SULT1E1: variants seen among roughly 807,000 people sequenced by gnomAD.
The protein encoded by SULT1E1 is sulfotransferase 1E1.
In SULT1E1, 36 loss-of-function variants were observed where a neutral mutation model predicts 33.6. The observed-to-expected ratio is 1.07, with a 90% confidence interval of 0.82 to 1.41. The LOEUF is 1.41. Among genes scored for constraint, SULT1E1 ranks in the 40% most tolerant of loss-of-function variants. SULT1E1 has a pLI of 0.00. For synonymous variants in SULT1E1, 121 were observed against 111.7 expected (o/e 1.08, Z -0.53); for missense variants, 371 against 345.7 (o/e 1.07, Z -0.58).
the SULT1E1 span, among the ~76,000 whole-genome samples, chr4:69,827,224 C>T: frequency 2.0e-5 from 3 of 152,134 alleles, no homozygotes; most frequent in Admixed American, 6.6e-5. Flanking sequence ...AAACCCTGGC[C>T]TTTAATGAAA....
chr4:69,833,746 G>A, the SULT1E1 span, among the ~76,000 whole-genome samples: 1 of 152,118 alleles, frequency 6.6e-6, no homozygotes, highest in Admixed American at 6.5e-5. Flanking sequence ...TCTACTTGTA[G>A]GAACTTATAT....
chr4:69,835,923 C>T, the SULT1E1 span, among the ~76,000 whole-genome samples: 1 of 152,174 alleles, frequency 6.6e-6, no homozygotes, highest in Non-Finnish European at 1.5e-5. Flanking sequence ...AGGTTACAGA[C>T]ATGAGCCACA....
At chr4:69,831,615 C>A in the SULT1E1 span, among the ~76,000 whole-genome samples, 1 of 152,166 alleles carries the variant, frequency 6.6e-6, no homozygotes, top group Non-Finnish European at 1.5e-5. Context: ...AATTATTTAA[C>A]GTACATTCCA....
At chr4:69,849,609 A>C in intron 4 of SULT1E1, 46 bp from the exon 5 acceptor site, 2 of 1,514,920 alleles carry the variant, frequency 1.3e-6, no homozygotes, top group Non-Finnish European at 1.8e-6. Flanking sequence ...ATTTTTTTCA[A>C]ACAGTCTCAT....
the SULT1E1 span, among the ~76,000 whole-genome samples, chr4:69,833,120 T>A: frequency 6.6e-6 from 1 of 152,202 alleles, no homozygotes; most frequent in African/African-American, 2.4e-5. Context: ...TGTGCCTAAG[T>A]ACAAATTATG....
chr4:69,857,414 G>T, intron 2 of SULT1E1, 86 bp downstream of exon 2: 1 of 1,452,358 alleles, frequency 6.9e-7, no homozygotes, highest in Non-Finnish European at 9.2e-7. Flanking sequence ...TAGAGAATGA[G>T]TGTGTACGAC....
intron 3 of SULT1E1, among the ~76,000 whole-genome samples, chr4:69,855,009 A>G (rs1176665161): frequency 2.6e-5 from 4 of 152,058 alleles, no homozygotes; most frequent in Non-Finnish European, 5.9e-5. Context: ...TTTTCTCCAT[A>G]TTTAAAATAT....
chr4:69,854,097 A>T, intron 4 of SULT1E1, 120 bp downstream of exon 4: 1 of 579,784 alleles, frequency 1.7e-6, no homozygotes, highest in East Asian at 2.9e-5. Flanking sequence ...TTTATTCCAC[A>T]TTTGTTAAGT....
intron 2 of SULT1E1, among the ~76,000 whole-genome samples, chr4:69,856,935 CAAAAAAA>C (rs11464421): frequency 1.7e-5 from 1 of 59,240 alleles, no homozygotes; most frequent in East Asian, 7.2e-4. Flanking sequence ...GACTCCGTCT[CAAAAAAA>C]AAAAAAAAAA....
chr4:69,823,353 C>T, the SULT1E1 span, among the ~76,000 whole-genome samples: 3 of 152,150 alleles, frequency 2.0e-5, no homozygotes, highest in African/African-American at 7.2e-5. Flanking sequence ...CATTCTCCTT[C>T]AACGTAGCTT....
At chr4:69,839,768 T>A (rs1720848355), downstream of SULT1E1, among the ~76,000 whole-genome samples, 1 of 152,136 alleles carries the variant, frequency 6.6e-6, no homozygotes, top group Admixed American at 6.5e-5. Flanking sequence ...TCCAGGAAGA[T>A]GCCAATAATC....
chr4:69,855,077 G>T (rs546560889), intron 3 of SULT1E1, among the ~76,000 whole-genome samples: 1 of 151,548 alleles, frequency 6.6e-6, no homozygotes, highest in Non-Finnish European at 1.5e-5. Flanking sequence ...TCTGCTGAAG[G>T]CATACAAGAA....
the SULT1E1 span, among the ~76,000 whole-genome samples, chr4:69,833,856 T>C: frequency 6.6e-6 from 1 of 152,192 alleles, no homozygotes; most frequent in African/African-American, 2.4e-5. Flanking sequence ...CATTTGCAAA[T>C]AATTCTATGT....
rs1720890089 is a variant in SULT1E1 at position 69,841,771 on chromosome 4, G to T, written c.*223C>A. On this transcript the variant is annotated 3_prime_UTR_variant, in exon 8 of 8. Coordinates refer to ENST00000226444, the MANE Select transcript of SULT1E1 (RefSeq NM_005420.3). Reference sequence around the variant, plus strand: ...TGGGAGGATCAATTGAGTCAAGGAGGTCAAGGCTGCAATCAGCCATGATTG... The same window carrying T: ...TGGGAGGATCAATTGAGTCAAGGAGTTCAAGGCTGCAATCAGCCATGATTG... 8.2e-6 allele frequency: 3 copies of T among 366,476 alleles called. No homozygotes were observed. Among genetic ancestry groups the T allele is most frequent in the Non-Finnish European group, 9.7e-6 (2 of 206,112 alleles). The allele number at this position is 366,476 out of a possible 1,614,324, so 22.7% of individuals were successfully genotyped here.
chr4:69,844,722 T>TA (rs1261023389), intron 6 of SULT1E1, among the ~76,000 whole-genome samples: 5 of 152,248 alleles, frequency 3.3e-5, no homozygotes, highest in African/African-American at 7.2e-5. Flanking sequence ...ATTTTTCTCC[T>TA]AATTTATTGG....
rs967741966 is a variant in SULT1E1, at chr4:69,843,878, T to C, written c.772+283A>G. ...ATACATGTTGTAACACTGAGGCACA[T>C]AGGCTTGGTAAATTACAGCTAGTAG... On this transcript the variant is annotated intron_variant, in intron 7 of 7. Transcript: ENST00000226444. Among the ~76,000 whole-genome samples the C allele has an allele frequency of 2.0e-5, 3 of 152,204 alleles. No homozygotes were observed. The East Asian group carries it at 5.8e-4, about 29-fold the overall frequency.
At chr4:69,854,435 G>A in intron 3 of SULT1E1, 121 bp from the exon 4 acceptor site, 2 of 609,338 alleles carry the variant, frequency 3.3e-6, no homozygotes, top group Non-Finnish European at 5.3e-6. Flanking sequence ...TAGATTGTGT[G>A]TAACACAAAG....
the SULT1E1 span, among the ~76,000 whole-genome samples, chr4:69,829,310 C>T: frequency 2.8e-4 from 43 of 152,232 alleles, no homozygotes; most frequent in Non-Finnish European, 5.3e-4. Context: ...TATGAAGTCG[C>T]TCTAAGTGTT....
chr4:69,846,305 C>CAAAAAAAAAAAAAAAACAAAA (rs1720974935), intron 6 of SULT1E1, among the ~76,000 whole-genome samples: 1 of 107,040 alleles, frequency 9.3e-6, no homozygotes, highest in Admixed American at 1.0e-4. Context: ...ACAAAACAAT[C>CAAAAAAAAAAAAAAAACAAAA]AAAAAAAAAA....
Sources: allele counts gnomAD v4.1 joint callset (sites outside exome capture counted in the v4.1 genomes callset), GRCh38; gene constraint gnomAD v4.1.1; transcripts MANE v1.5; gene names NCBI Gene and HGNC (gene_info 2026-07-23, HGNC 2026-07-21).